The following ARMC2 variants were observed in gnomAD, a reference collection of about 807,000 sequenced individuals.
ARMC2 encodes the protein armadillo repeat-containing protein 2.
Under a neutral mutation model 90.3 loss-of-function variants are expected in ARMC2, and 67 were observed. That is an observed-to-expected ratio of 0.74 (90% CI 0.61 to 0.91). The LOEUF (loss-of-function observed/expected upper bound fraction) is 0.91. Among genes scored for constraint, ARMC2 ranks in the 40% least tolerant of loss-of-function variants. The pLI, the probability that ARMC2 is intolerant of heterozygous loss-of-function variation, is 0.00. For synonymous variants in ARMC2, 393 were observed against 393.0 expected (o/e 1.00, Z 0.00); for missense variants, 920 against 1,030.9 (o/e 0.89, Z 1.47).
At chr6:108,901,098 ATTTTTTTTTTTTTTTTTTTTTTTTT>A (rs1173637475) in intron 7 of ARMC2, among the ~76,000 whole-genome samples, 1 of 59,338 alleles carries the variant, frequency 1.7e-5, no homozygotes, top group Non-Finnish European at 3.0e-5. Context: ...GAAAGAAGGA[ATTTTTTTTTTTTTTTTTTTTTTTTT>A]TTTTTTTTTT....
chr6:108,996,043 G>T, the ARMC2 span, among the ~76,000 whole-genome samples: 1 of 151,970 alleles, frequency 6.6e-6, no homozygotes, highest in Non-Finnish European at 1.5e-5. Context: ...ATTGTTACTC[G>T]CATGATATTG....
At position 108,953,140 on chromosome 6, in the gene ARMC2, A is replaced by C. The variant is rs773684080; in HGVS notation, c.1704A>C (p.Ser568=). 6.2e-7 allele frequency: 1 copy of C among 1,614,062 alleles called. No individual in the cohort carries two copies. Residue 568 remains serine, a synonymous_variant, in exon 13 of 18, where the codon TCA becomes TCC. Coordinates refer to ENST00000392644, the MANE Select transcript of ARMC2 (RefSeq NM_032131.6). ...KEKGSIQTLL[S]LFQTFHQLDL... ...AAGGGAGCATCCAAACTCTGCTGTC[A>C]TTATTCCAGACGTTCCATCAGCTGG...
intron 12 of ARMC2, among the ~76,000 whole-genome samples, chr6:108,937,787 T>C (rs1301659940): frequency 2.6e-5 from 4 of 152,160 alleles, no homozygotes; most frequent in Non-Finnish European, 4.4e-5. Context: ...CTCCACCTCC[T>C]GGGTTCACGC....
intron 10 of ARMC2, among the ~76,000 whole-genome samples, chr6:108,920,962 G>T (rs1436017221): frequency 6.6e-6 from 1 of 152,124 alleles, no homozygotes; most frequent in South Asian, 2.1e-4. Flanking sequence ...GGGTGGAAAT[G>T]AGGCTCCTAC....
chr6:108,914,349 G>T (rs1773740026), intron 10 of ARMC2, among the ~76,000 whole-genome samples: 1 of 152,088 alleles, frequency 6.6e-6, no homozygotes, highest in Non-Finnish European at 1.5e-5. Context: ...GCATCCTTAG[G>T]TGCAAACTGA....
intron 3 of ARMC2, among the ~76,000 whole-genome samples, chr6:108,867,809 C>A (rs1438911285): frequency 1.3e-5 from 2 of 151,788 alleles, no homozygotes; most frequent in Non-Finnish European, 2.9e-5. Flanking sequence ...GTGGCAAGCT[C>A]CTTTAATCCT....
At chr6:108,910,317 A>G (rs983137701) in intron 8 of ARMC2, among the ~76,000 whole-genome samples, 2 of 152,166 alleles carry the variant, frequency 1.3e-5, no homozygotes, top group Admixed American at 1.3e-4. Flanking sequence ...TTAGCCAGGC[A>G]CAGTGGCACA....
chr6:108,994,696 A>G, the ARMC2 span: 1 of 628,526 alleles, frequency 1.6e-6, no homozygotes, highest in East Asian at 5.1e-5. Context: ...AAGAATTTAT[A>G]TCTTTTTTTT....
chr6:108,940,083 G>A (rs1405216719), intron 12 of ARMC2, among the ~76,000 whole-genome samples: 1 of 151,870 alleles, frequency 6.6e-6, no homozygotes, highest in Non-Finnish European at 1.5e-5. Flanking sequence ...CTGCTTTTTT[G>A]CAATTATTTG....
chr6:108,890,865 C>T (rs886779936), intron 5 of ARMC2, among the ~76,000 whole-genome samples: 7 of 152,144 alleles, frequency 4.6e-5, no homozygotes, highest in Admixed American at 2.6e-4. Flanking sequence ...ATCAGCCCAT[C>T]GTCTACATTA....
chr6:108,971,613 C>A (rs4992383), intron 17 of ARMC2, among the ~76,000 whole-genome samples: 29,481 of 151,852 alleles, frequency 0.19, 3,518 homozygotes, highest in African/African-American at 0.33. Context: ...ATAGGATTTT[C>A]ATTGGCCCTT....
At position 108,933,486 on chromosome 6, in the gene ARMC2, A is replaced by G. The variant is rs140557519; in HGVS notation, c.1497-3414A>G. Among the ~76,000 whole-genome samples, 1,444 of 152,286 alleles carry G rather than the reference A, an allele frequency of 9.5e-3. 56 individuals are homozygous for G. Among genetic ancestry groups the G allele is most frequent in the Admixed American group, 0.077 (1,173 of 15,286 alleles). On this transcript the variant is annotated intron_variant, in intron 11 of 17. Coordinates refer to ENST00000392644, the MANE Select transcript of ARMC2 (RefSeq NM_032131.6). ...TTGGGCTGAGACTGTGGGGTTTTCT[A>G]GATGTAGAATCATCTGTGAGTGTTG...
intron 1 of ARMC2, among the ~76,000 whole-genome samples, chr6:108,852,257 T>C (rs1774085959): frequency 6.6e-6 from 1 of 152,216 alleles, no homozygotes. Context: ...ACATGTATTA[T>C]TAAATATTTC....
chr6:108,928,162 C>T lies in ARMC2; in HGVS notation c.1425C>T (p.Pro475=). The T allele has an allele frequency of 3.7e-6, 6 of 1,613,366 alleles. No homozygotes were observed. Among genetic ancestry groups the T allele is most frequent in the Non-Finnish European group, 5.1e-6 (6 of 1,179,672 alleles). ...RSKFLNISAL[P]QLCTAMEQYK... Reference sequence around the variant, plus strand: ...AGTTCCTAAACATCAGTGCCCTTCCCCAGCTCTGCACGGCAATGGAACAGT... The same window carrying T: ...AGTTCCTAAACATCAGTGCCCTTCCTCAGCTCTGCACGGCAATGGAACAGT... Residue 475 remains proline (P), a synonymous_variant, in exon 11 of 18, where the codon CCC becomes CCT. Transcript: ENST00000392644.
chr6:109,042,170 T>C, the ARMC2 span, among the ~76,000 whole-genome samples: 8 of 151,858 alleles, frequency 5.3e-5, no homozygotes, highest in Non-Finnish European at 8.8e-5. Flanking sequence ...AAAATGAAAA[T>C]ACAACATATC....
At chr6:108,913,426 T>C (rs961789536) in intron 10 of ARMC2, among the ~76,000 whole-genome samples, 1 of 152,218 alleles carries the variant, frequency 6.6e-6, no homozygotes, top group Non-Finnish European at 1.5e-5. Flanking sequence ...TTGAAGAAGA[T>C]TGTGAAAACC....
At chr6:109,044,311 C>CCAAAAAAAAAA in the ARMC2 span, among the ~76,000 whole-genome samples, 1 of 28,472 alleles carries the variant, frequency 3.5e-5, no homozygotes, top group African/African-American at 2.0e-4. Flanking sequence ...GAACTTGCCT[C>CCAAAAAAAAAA]AAAAAAAAAA....
At chr6:108,959,140 T>C (rs1183835697) in intron 13 of ARMC2, among the ~76,000 whole-genome samples, 2 of 152,224 alleles carry the variant, frequency 1.3e-5, no homozygotes, top group African/African-American at 4.8e-5. Flanking sequence ...ATCCATTAAG[T>C]GTCTACCAGG....
chr6:109,004,455 G>C, the ARMC2 span, among the ~76,000 whole-genome samples: 1 of 146,262 alleles, frequency 6.8e-6, no homozygotes, highest in Admixed American at 6.8e-5. Context: ...TTTTTTTTTG[G>C]AGACAGAGTC....
Sources: allele counts gnomAD v4.1 joint callset (sites outside exome capture counted in the v4.1 genomes callset), GRCh38; gene constraint gnomAD v4.1.1; transcripts MANE v1.5; gene names NCBI Gene and HGNC (gene_info 2026-07-23, HGNC 2026-07-21).